ZNF185: variants seen among roughly 807,000 people sequenced by gnomAD.
The protein encoded by ZNF185 is zinc finger protein 185 with LIM domain, also known as zinc finger protein 185.
A neutral mutation model predicts 58.6 loss-of-function variants in ZNF185; 56 were observed. The ratio of observed to expected loss-of-function variants is 0.95; its 90% CI spans 0.77 to 1.19. ZNF185 has a LOEUF of 1.19. ZNF185 is among the 50% of genes most tolerant of loss of function. The probability of loss-of-function intolerance (pLI) is 0.00; values close to 1 mark genes in which losing one functional copy is unlikely to be tolerated. For missense variants in ZNF185, 627 were observed against 573.5 expected (o/e 1.09, Z -0.95); for synonymous variants, 230 against 215.9 (o/e 1.07, Z -0.57).
exon 23 of ZNF185, chrX:152,971,748 C>T (rs782307347): frequency 8.9e-6 from 1 of 112,168 alleles, no homozygotes; most frequent in Non-Finnish European, 1.9e-5. Context: ...TGTCTATTTG[C>T]CATATCTATT....
intron 15 of ZNF185, among the ~76,000 whole-genome samples, chrX:152,942,970 A>G (rs1483103466): frequency 9.0e-6 from 1 of 111,634 alleles, no homozygotes; most frequent in Non-Finnish European, 1.9e-5. Flanking sequence ...ATATATGTAT[A>G]TGTATATGTA....
At chrX:152,950,423 T>C (rs2048186125) in intron 16 of ZNF185, among the ~76,000 whole-genome samples, 1 of 111,780 alleles carries the variant, frequency 8.9e-6, no homozygotes, top group South Asian at 3.7e-4. Flanking sequence ...TTATCTAATA[T>C]AAGGCAAAGC....
chrX:152,965,660 G>C, intron 19 of ZNF185, 133 bp downstream of exon 21: 1 of 517,847 alleles, frequency 1.9e-6, no homozygotes, highest in Non-Finnish European at 3.2e-6. Flanking sequence ...GTGGATGAGT[G>C]ATGTAGTTGC....
chrX:152,964,656 G>T (rs1343509889), intron 18 of ZNF185, among the ~76,000 whole-genome samples: 3 of 111,781 alleles, frequency 2.7e-5, no homozygotes, highest in African/African-American at 9.8e-5. Context: ...TCAACATGAG[G>T]TTTGTCTGTC....
chrX:152,928,913 C>A (rs1052397273), intron 12 of ZNF185, among the ~76,000 whole-genome samples: 1 of 113,096 alleles, frequency 8.8e-6, no homozygotes, highest in East Asian at 2.8e-4. Flanking sequence ...AACAGGACCC[C>A]CTGGCTGGAA....
chrX:152,905,386 C>T, the ZNF185 span, among the ~76,000 whole-genome samples: 3 of 111,973 alleles, frequency 2.7e-5, no homozygotes, highest in Middle Eastern at 4.2e-3. Context: ...ATCTCAGTGT[C>T]GCCCTTCTCC....
intron 11 of ZNF185, among the ~76,000 whole-genome samples, chrX:152,923,733 C>T (rs994295556): frequency 1.8e-4 from 20 of 111,817 alleles, no homozygotes; most frequent in Non-Finnish European, 9.4e-5. Context: ...CAATACGGTT[C>T]GCGCTCTCAT....
At chrX:152,909,543 G>A (rs1936801107), upstream of ZNF185, among the ~76,000 whole-genome samples, 1 of 112,133 alleles carries the variant, frequency 8.9e-6, no homozygotes, top group Non-Finnish European at 1.9e-5. Flanking sequence ...CTCTTCCCTG[G>A]GCCCCGTACA....
chrX:152,917,844 C>T (rs1375822981), intron 5 of ZNF185: 2 of 1,069,810 alleles, frequency 1.9e-6, no homozygotes, highest in East Asian at 3.4e-5. Context: ...AGCAAAGACA[C>T]AGGCAAGAGC....
chrX:152,908,538 G>A, the ZNF185 span, among the ~76,000 whole-genome samples: 10 of 112,545 alleles, frequency 8.9e-5, no homozygotes, highest in African/African-American at 3.2e-4. Context: ...GTGGGGTCCT[G>A]GAGTCACATG....
Position 152,936,153 on chromosome X carries a change from C to G in ZNF185, c.1122-1921C>G, listed in dbSNP as rs782724465. On this transcript the variant is annotated intron_variant, in intron 14 of 22. Transcript: ENST00000449285. ...TTTCATTGATGGTAAAACTGAGGCC[C>G]AGAAAAAAAGGTCAGGTAACATGCC... is the stretch of plus-strand genomic sequence containing the variant. Among the ~76,000 whole-genome samples, 9 of 112,408 alleles carry G rather than the reference C, an allele frequency of 8.0e-5. 1 individual carries two copies. In the South Asian group the frequency reaches 3.3e-3, roughly 41 times the overall value.
At chrX:152,965,037 G>A (rs782809751) in intron 18 of ZNF185, among the ~76,000 whole-genome samples, 20 of 111,855 alleles carry the variant, frequency 1.8e-4, no homozygotes, top group African/African-American at 6.5e-4. Flanking sequence ...AAGACTGACA[G>A]TGTAGGATTA....
chrX:152,936,359 A>G, intron 14 of ZNF185, 59 bp from the exon 16 acceptor site: 1 of 1,009,945 alleles, frequency 9.9e-7, no homozygotes, highest in Non-Finnish European at 1.4e-6. Context: ...TTCTCGGGAG[A>G]GGGTAGACAT....
rs1360681562 is a variant in ZNF185, at chrX:152,931,693, CAAG to C, written c.940_942del (p.Lys314del). On this transcript the variant is annotated inframe_deletion, in exon 13 of 23. Transcript: ENST00000449285. ...ATAGGTCTTCCCCAGGCAACAAAGACAAGGAGGCCCCCTGCTCCAGAGAGCTCC... is the reference window on the plus strand; with the variant it reads ...ATAGGTCTTCCCCAGGCAACAAAGACGAGGCCCCCTGCTCCAGAGAGCTCC... The C allele has an allele frequency of 4.1e-6, 5 of 1,208,783 alleles. No homozygotes were observed. In the Admixed American group the frequency reaches 1.1e-4, roughly 26 times the overall value.
At chrX:152,940,622 T>C (rs980249395) in intron 15 of ZNF185, among the ~76,000 whole-genome samples, 3 of 111,775 alleles carry the variant, frequency 2.7e-5, no homozygotes, top group Non-Finnish European at 5.6e-5. Flanking sequence ...AAGCAATAGA[T>C]GGCCAATGTT....
chrX:152,905,312 T>C, the ZNF185 span, among the ~76,000 whole-genome samples: 1 of 112,127 alleles, frequency 8.9e-6, no homozygotes, highest in Non-Finnish European at 1.9e-5. Context: ...GAGAATGGGC[T>C]GGGAGAAGCC....
the ZNF185 span, among the ~76,000 whole-genome samples, chrX:152,898,639 T>A: frequency 8.9e-6 from 1 of 112,638 alleles, no homozygotes; most frequent in African/African-American, 3.2e-5. Context: ...ATGAGGAAAC[T>A]GAGACCCAGA....
At chrX:152,931,047 A>G (rs1029968587) in intron 12 of ZNF185, among the ~76,000 whole-genome samples, 3 of 111,854 alleles carry the variant, frequency 2.7e-5, no homozygotes, top group Non-Finnish European at 3.8e-5. Flanking sequence ...GGCATGGGTG[A>G]TAACAGTGCC....
chrX:152,905,721 G>T, the ZNF185 span, among the ~76,000 whole-genome samples: 3 of 109,585 alleles, frequency 2.7e-5, no homozygotes, highest in East Asian at 2.9e-4. Flanking sequence ...CTTGGGGGGG[G>T]GGCGGGGTCA....
Sources: allele counts gnomAD v4.1 joint callset (sites outside exome capture counted in the v4.1 genomes callset), GRCh38; gene constraint gnomAD v4.1.1; transcripts MANE v1.5; gene names NCBI Gene and HGNC (gene_info 2026-07-23, HGNC 2026-07-21).